The following KCNAB1 variants were observed in gnomAD, a reference collection of about 807,000 sequenced individuals.
KCNAB1 encodes the protein potassium voltage-gated channel subfamily A regulatory beta subunit 1, also known as voltage-gated potassium channel subunit beta-1.
Under a neutral mutation model 64.6 loss-of-function variants are expected in KCNAB1, and 35 were observed. The ratio of observed to expected loss-of-function variants is 0.54; its 90% CI spans 0.41 to 0.72. The LOEUF (loss-of-function observed/expected upper bound fraction) is 0.72. Among genes scored for constraint, KCNAB1 ranks in the 30% least tolerant of loss-of-function variants. The probability of loss-of-function intolerance (pLI) is 0.00; values close to 1 mark genes in which losing one functional copy is unlikely to be tolerated. For missense variants in KCNAB1, 401 were observed against 512.9 expected, an observed-to-expected ratio of 0.78 and a Z score of 2.11; for synonymous variants, 177 against 183.8, an observed-to-expected ratio of 0.96 and a Z score of 0.30.
chr3:156,315,994 A>C (rs1286594811), intron 1 of KCNAB1, among the ~76,000 whole-genome samples: 1 of 152,268 alleles, frequency 6.6e-6, no homozygotes, highest in Non-Finnish European at 1.5e-5. Flanking sequence ...GTGTGTTCAC[A>C]TGCACACACA....
At chr3:156,453,504 T>C (rs2108280197) in intron 3 of KCNAB1, among the ~76,000 whole-genome samples, 1 of 152,310 alleles carries the variant, frequency 6.6e-6, no homozygotes, top group Admixed American at 6.5e-5. Flanking sequence ...CAGATGTTTA[T>C]ATAGTCCTCT....
intron 1 of KCNAB1, among the ~76,000 whole-genome samples, chr3:156,349,724 C>A (rs1159713834): frequency 2.0e-5 from 3 of 152,072 alleles, no homozygotes; most frequent in Non-Finnish European, 2.9e-5. Context: ...GTAAACCCAG[C>A]AAAGTTTTTT....
chr3:156,240,007 T>C (rs1188762911), intron 1 of KCNAB1, among the ~76,000 whole-genome samples: 1 of 152,118 alleles, frequency 6.6e-6, no homozygotes, highest in African/African-American at 2.4e-5. Context: ...AAAAGAAGAA[T>C]GAGAAACACA....
At chr3:156,510,171 A>G (rs1717105892) in intron 8 of KCNAB1, among the ~76,000 whole-genome samples, 1 of 152,230 alleles carries the variant, frequency 6.6e-6, no homozygotes, top group African/African-American at 2.4e-5. Flanking sequence ...AACAATGAGG[A>G]AAAAACTACC....
chr3:156,511,434 C>G (rs1273019954), intron 8 of KCNAB1, among the ~76,000 whole-genome samples: 1 of 152,084 alleles, frequency 6.6e-6, no homozygotes, highest in Non-Finnish European at 1.5e-5. Flanking sequence ...TCACATGCAT[C>G]TCCATTTTTC....
intron 1 of KCNAB1, among the ~76,000 whole-genome samples, chr3:156,365,443 T>C (rs1725887825): frequency 6.6e-6 from 1 of 152,192 alleles, no homozygotes; most frequent in Non-Finnish European, 1.5e-5. Flanking sequence ...AACTTCTCTT[T>C]AGCCTCATAG....
chr3:156,416,145 TAGC>T (rs1715058696), intron 1 of KCNAB1, among the ~76,000 whole-genome samples: 1 of 152,198 alleles, frequency 6.6e-6, no homozygotes, highest in Non-Finnish European at 1.5e-5. Flanking sequence ...GATTTCAAGG[TAGC>T]ACCATTTCTC....
At chr3:156,398,542 G>A (rs953241171) in intron 1 of KCNAB1, among the ~76,000 whole-genome samples, 3 of 144,976 alleles carry the variant, frequency 2.1e-5, no homozygotes, top group Admixed American at 1.4e-4. Flanking sequence ...GCAGTGAGCC[G>A]AGATCACGCC....
chr3:156,488,534 G>A (rs1258297421), intron 8 of KCNAB1, among the ~76,000 whole-genome samples: 1 of 152,116 alleles, frequency 6.6e-6, no homozygotes, highest in Non-Finnish European at 1.5e-5. Context: ...GCAGAGTAAG[G>A]AAGGGGGAAG....
At chr3:156,450,183 G>A (rs1162330563) in intron 2 of KCNAB1, among the ~76,000 whole-genome samples, 2 of 152,152 alleles carry the variant, frequency 1.3e-5, no homozygotes, top group Non-Finnish European at 2.9e-5. Context: ...ACAAAATAGT[G>A]CCACCTATGG....
chr3:156,481,165 T>C lies in KCNAB1; in HGVS notation c.658+6345T>C, dbSNP rs138437315. On this transcript the variant is annotated intron_variant, in intron 8 of 13. Transcript: ENST00000490337. The stretch of plus-strand genomic sequence containing the variant: ...TCTCTCTTTAGAAATCTGATTGATA[T>C]CTAAATGAGCAGAAATGAATAAAGG... Among the ~76,000 whole-genome samples, 870 of 152,096 alleles carry C rather than the reference T, an allele frequency of 5.7e-3. 7 individuals carry two copies. Among genetic ancestry groups the C allele is most frequent in the Non-Finnish European group, 5.2e-3 (352 of 67,964 alleles).
chr3:156,408,494 A>C (rs1714410278), intron 1 of KCNAB1, among the ~76,000 whole-genome samples: 1 of 152,232 alleles, frequency 6.6e-6, no homozygotes, highest in South Asian at 2.1e-4. Flanking sequence ...AAAAGCACCT[A>C]GAGGGCCGGG....
chr3:156,118,778 C>A (rs1021756860), upstream of KCNAB1, among the ~76,000 whole-genome samples: 5 of 152,198 alleles, frequency 3.3e-5, no homozygotes, highest in Non-Finnish European at 5.9e-5. Context: ...AGTTCCATTG[C>A]AGAGCCCCCC....
At chr3:156,184,427 A>G (rs565132658) in intron 1 of KCNAB1, among the ~76,000 whole-genome samples, 1 of 152,326 alleles carries the variant, frequency 6.6e-6, no homozygotes, top group East Asian at 1.9e-4. Context: ...AGAGAGACAA[A>G]TAGAGCTCTC....
At chr3:156,348,284 G>A (rs1202008240) in intron 1 of KCNAB1, among the ~76,000 whole-genome samples, 1 of 152,208 alleles carries the variant, frequency 6.6e-6, no homozygotes. Context: ...AAGGCCATGA[G>A]TTGGGAAAGA....
intron 12 of KCNAB1, among the ~76,000 whole-genome samples, chr3:156,525,750 G>A (rs1397676456): frequency 2.6e-5 from 4 of 152,194 alleles, no homozygotes; most frequent in South Asian, 2.1e-4. Context: ...TCCTGACCTC[G>A]TGATCCGCCT....
At chr3:156,344,769 A>G (rs1370519762) in intron 1 of KCNAB1, among the ~76,000 whole-genome samples, 2 of 152,234 alleles carry the variant, frequency 1.3e-5, no homozygotes, top group African/African-American at 4.8e-5. Flanking sequence ...CTGAGAGAAT[A>G]GCATACAACT....
chr3:156,428,678 G>A (rs1055063412), intron 2 of KCNAB1, among the ~76,000 whole-genome samples: 5 of 152,096 alleles, frequency 3.3e-5, no homozygotes, highest in Admixed American at 3.3e-4. Context: ...CCTAAGTAAG[G>A]AGTAATGTGG....
chr3:156,397,329 A>C (rs1014797159), intron 1 of KCNAB1, among the ~76,000 whole-genome samples: 1 of 152,350 alleles, frequency 6.6e-6, no homozygotes, highest in East Asian at 1.9e-4. Context: ...AAATTGGCCC[A>C]AGTTCTCTGT....
Sources: allele counts gnomAD v4.1 joint callset (sites outside exome capture counted in the v4.1 genomes callset), GRCh38; gene constraint gnomAD v4.1.1; transcripts MANE v1.5; gene names NCBI Gene and HGNC (gene_info 2026-07-23, HGNC 2026-07-21).